The following VIPR2 variants were observed in gnomAD, a reference collection of about 807,000 sequenced individuals.
VIPR2 encodes the protein vasoactive intestinal peptide receptor 2.
Under a neutral mutation model 58.0 loss-of-function variants are expected in VIPR2, and 48 were observed. That is an observed-to-expected ratio of 0.83 (90% CI 0.66 to 1.05). The LOEUF (loss-of-function observed/expected upper bound fraction) is 1.05. VIPR2 is among the 50% of genes least tolerant of loss of function. VIPR2 has a pLI of 0.00. For missense variants in VIPR2, 534 were observed against 558.0 expected, an observed-to-expected ratio of 0.96 and a Z score of 0.43; for synonymous variants, 243 against 235.2, an observed-to-expected ratio of 1.03 and a Z score of -0.30.
intron 3 of VIPR2, among the ~76,000 whole-genome samples, chr7:159,108,633 G>C (rs1585517044): frequency 6.6e-6 from 1 of 152,338 alleles, no homozygotes; most frequent in East Asian, 1.9e-4. Context: ...CTGGGCGCCT[G>C]GTGCCCAGAT....
At chr7:159,102,474 C>G (rs796072972) in intron 4 of VIPR2, among the ~76,000 whole-genome samples, 20 of 152,274 alleles carry the variant, frequency 1.3e-4, no homozygotes, top group African/African-American at 4.6e-4. Flanking sequence ...TGATAATGAC[C>G]CATATACCAT....
At chr7:159,063,802 G>A (rs1472358218) in intron 4 of VIPR2, among the ~76,000 whole-genome samples, 7 of 105,042 alleles carry the variant, frequency 6.7e-5, no homozygotes, top group Admixed American at 2.6e-4. Context: ...GTCCTGGTGG[G>A]GTCCGGGGGT....
rs1284492564 is a variant in VIPR2, at chr7:159,128,692, G to T, written c.151+13754C>A. ...CCACCTGGAGGAACTCGATCAATGA[G>T]TTTCCTCATTTCCAGGAATGCCCTA... is the stretch of plus-strand genomic sequence containing the variant. On this transcript the variant is annotated intron_variant, in intron 2 of 12. Transcript: ENST00000262178. The surrounding 1 kb of genome is among the most constrained non-coding windows in gnomAD (Gnocchi z 4.1). Among the ~76,000 whole-genome samples the T allele has an allele frequency of 6.6e-6, 1 of 152,210 alleles. No homozygotes were observed. The highest frequency in any genetic ancestry group is 1.5e-5 in the Non-Finnish European group (1 of 68,038).
Position 159,030,206 on chromosome 7 carries a change from G to A in VIPR2, c.*410C>T, listed in dbSNP as rs532457042. ...TAAAAATACAAAAAATTAGCCAGGC[G>A]TGTTGGCGGGCGCCTGTAGTCCCAG... On this transcript the variant is annotated 3_prime_UTR_variant, in exon 13 of 13. Coordinates refer to ENST00000262178, the MANE Select transcript of VIPR2 (RefSeq NM_003382.5). 52 of 175,192 alleles carry A rather than the reference G, an allele frequency of 3.0e-4. No individual in the cohort carries two copies. Among genetic ancestry groups the A allele is most frequent in the Non-Finnish European group, 4.9e-4 (41 of 84,212 alleles). The allele number at this position is 175,192 out of a possible 1,614,324, so 10.9% of individuals were successfully genotyped here.
At chr7:159,136,263 C>G (rs888106825) in intron 2 of VIPR2, among the ~76,000 whole-genome samples, 1 of 152,060 alleles carries the variant, frequency 6.6e-6, no homozygotes, top group Non-Finnish European at 1.5e-5. Context: ...GCCCAGGTCT[C>G]TCTTCTTCTT....
chr7:159,125,574 A>G (rs1796623749), intron 2 of VIPR2, among the ~76,000 whole-genome samples: 1 of 152,172 alleles, frequency 6.6e-6, no homozygotes, highest in African/African-American at 2.4e-5. Flanking sequence ...ATTCTCCGGT[A>G]TGTCCTAGGG....
intron 4 of VIPR2, among the ~76,000 whole-genome samples, chr7:159,092,134 G>A (rs1466634374): frequency 6.6e-6 from 1 of 152,238 alleles, no homozygotes; most frequent in African/African-American, 2.4e-5. Context: ...CAGAGTCAGA[G>A]GCTGACGTGA....
At chr7:159,112,258 C>T (rs1002972494) in intron 2 of VIPR2, among the ~76,000 whole-genome samples, 3 of 152,192 alleles carry the variant, frequency 2.0e-5, no homozygotes, top group Non-Finnish European at 4.4e-5. Context: ...TATTGGACCG[C>T]ACGTGAGGGA....
chr7:159,097,230 G>C lies in VIPR2; in HGVS notation c.357+6527C>G, dbSNP rs1415248872. 4 of 1,411,256 alleles carry C rather than the reference G, an allele frequency of 2.8e-6. No individual in the cohort carries two copies. The highest frequency in any genetic ancestry group is 2.9e-5 in the African/African-American group (2 of 69,404). The allele number at this position is 1,411,256 out of a possible 1,614,324, so 87.4% of individuals were successfully genotyped here. A position where few individuals can be genotyped will look rare whatever the true frequency, so the allele number is the denominator to read the frequency against. On this transcript the variant is annotated intron_variant, in intron 4 of 12. Coordinates refer to ENST00000262178, the MANE Select transcript of VIPR2 (RefSeq NM_003382.5). The surrounding 1 kb of genome is among the most constrained non-coding windows in gnomAD (Gnocchi z 5.3). ...GCCATCAGTGGGAACGAGTCACTGCGGTGGCCTGAGTGCTGGAGGAGGGCA... is the reference window on the plus strand; with the variant it reads ...GCCATCAGTGGGAACGAGTCACTGCCGTGGCCTGAGTGCTGGAGGAGGGCA...
At chr7:159,122,608 A>G (rs762584356) in intron 2 of VIPR2, among the ~76,000 whole-genome samples, 25 of 152,236 alleles carry the variant, frequency 1.6e-4, no homozygotes, top group Non-Finnish European at 5.9e-5. Flanking sequence ...GTGAAAGCAC[A>G]GGTCACATAC....
At chr7:159,138,836 A>G (rs958738338) in intron 2 of VIPR2, among the ~76,000 whole-genome samples, 3 of 152,218 alleles carry the variant, frequency 2.0e-5, no homozygotes, top group South Asian at 2.1e-4. Context: ...TTCTATGTGC[A>G]TATTAGATAT....
intron 4 of VIPR2, among the ~76,000 whole-genome samples, chr7:159,088,479 C>T (rs1857304511): frequency 6.6e-6 from 1 of 152,048 alleles, no homozygotes; most frequent in Non-Finnish European, 1.5e-5. Flanking sequence ...ACACCCACCG[C>T]AGCACACCCG....
At position 159,031,818 on chromosome 7, in the gene VIPR2, A is replaced by G. The variant is rs746132639; in HGVS notation, c.1143+10T>C. On this transcript the variant is annotated intron_variant, in intron 12 of 12. Coordinates refer to ENST00000262178, the MANE Select transcript of VIPR2 (RefSeq NM_003382.5). This position sits in a 1 kb window ranked among gnomAD's most constrained non-coding sequence, Gnocchi z 4.0. ...ACCTGTGCTTGGTTCCAAGGCGGCC[A>G]TGAACTTACCTCACTGTTCAGGAAA... 4 of 1,614,010 alleles carry G rather than the reference A, an allele frequency of 2.5e-6. No homozygotes were observed. Among genetic ancestry groups the G allele is most frequent in the South Asian group, 1.1e-5 (1 of 91,086 alleles).
chr7:159,094,593 C>A (rs966457354), intron 4 of VIPR2, among the ~76,000 whole-genome samples: 8 of 152,184 alleles, frequency 5.3e-5, no homozygotes, highest in African/African-American at 1.9e-4. Context: ...AGTGAGCCTG[C>A]GGTGATAATT....
In VIPR2 at chr7:159,030,749, G is replaced by T; in HGVS notation, c.1184C>A (p.Pro395Gln). 1 of 1,589,974 alleles carries T rather than the reference G, an allele frequency of 6.3e-7. No individual in the cohort carries two copies. The highest frequency in any genetic ancestry group is 8.5e-7 in the Non-Finnish European group (1 of 1,170,208). ...GTAATCCCGGCTCGCGGACGGGGTC[G>T]GGCACCGGCTTCGCCATTTTCGCTT... ...ELKRKWRSRC[P>Q]TPSASRDYRV... The change falls in exon 13 of 13, where the codon CCG becomes CAG. Residue 395 changes from proline (P) to glutamine (Q), a missense_variant. Physicochemically the swap from Pro to Gln is moderately conservative, Grantham distance 76. Around this residue, in one of 3 missense-constraint regions of VIPR2, gnomAD observed 306 missense variants for 285.8 expected, o/e 1.07. Transcript: ENST00000262178.
Position 159,096,322 on chromosome 7 carries a change from C to T in VIPR2, c.357+7435G>A, listed in dbSNP as rs549115473. Among the ~76,000 whole-genome samples the T allele has an allele frequency of 5.3e-5, 8 of 152,342 alleles. No homozygotes were observed. Among genetic ancestry groups the T allele is most frequent in the Non-Finnish European group, 1.2e-4 (8 of 68,028 alleles). Reference sequence around the variant, plus strand: ...TGGATGGTCCATCCTGGGTCAGGCACGTACCTCCCCTCCTCCGGCATCGGC... The same window carrying T: ...TGGATGGTCCATCCTGGGTCAGGCATGTACCTCCCCTCCTCCGGCATCGGC... On this transcript the variant is annotated intron_variant, in intron 4 of 12. Coordinates refer to ENST00000262178, the MANE Select transcript of VIPR2 (RefSeq NM_003382.5). This position sits in a 1 kb window ranked among gnomAD's most constrained non-coding sequence, Gnocchi z 5.5.
intron 3 of VIPR2, among the ~76,000 whole-genome samples, chr7:159,104,803 C>T (rs1438905682): frequency 1.3e-5 from 2 of 150,682 alleles, no homozygotes; most frequent in Non-Finnish European, 1.5e-5. Flanking sequence ...TGACCGGGTG[C>T]CCGGCCTGCC....
rs1796713515 is a variant in VIPR2 at position 159,127,906 on chromosome 7, TCA to T, written c.151+14538_151+14539del. 6.6e-6 allele frequency among the ~76,000 whole-genome samples: 1 copy of T among 152,142 alleles called. No homozygotes were observed. The highest frequency in any genetic ancestry group is 1.5e-5 in the Non-Finnish European group (1 of 68,016). Reference sequence around the variant, plus strand: ...TTGGAGAGGGTGAACATTCAAGGCCTCAAGGCACGGGGAGTCCTGCCGTGCTA... The same window carrying T: ...TTGGAGAGGGTGAACATTCAAGGCCTAGGCACGGGGAGTCCTGCCGTGCTA... On this transcript the variant is annotated intron_variant, in intron 2 of 12. Transcript: ENST00000262178. This position sits in a 1 kb window ranked among gnomAD's most constrained non-coding sequence, Gnocchi z 4.6.
rs148613685 is a variant in VIPR2, at chr7:159,128,067, C to T, written c.151+14379G>A. On this transcript the variant is annotated intron_variant, in intron 2 of 12. Coordinates refer to ENST00000262178, the MANE Select transcript of VIPR2 (RefSeq NM_003382.5). The surrounding 1 kb of genome is among the most constrained non-coding windows in gnomAD (Gnocchi z 4.1). ...TGCAGCAGGGCCTGACCGTGGGTCT[C>T]GGCAGGAATGGAGCCAGGTGAGGAC... Among the ~76,000 whole-genome samples the T allele has an allele frequency of 5.9e-5, 9 of 152,294 alleles. No homozygotes were observed. The East Asian group carries it at 1.4e-3, about 23-fold the overall frequency.
Sources: gnomAD v4.1 joint callset for allele counts (sites outside exome capture counted in the v4.1 genomes callset) on GRCh38, gnomAD v4.1.1 for gene constraint, gnomAD v4.1.1 regional missense constraint, Gnocchi (gnomAD v3.1) non-coding constraint, MANE v1.5 for transcripts, NCBI Gene and HGNC (gene_info 2026-07-23, HGNC 2026-07-21) for gene names.